Variants in SSBP3 observed in about 807,000 individuals in gnomAD.
The protein encoded by SSBP3 is single-stranded DNA-binding protein 3.
SSBP3 carries 5 observed loss-of-function variants against 69.6 expected under a neutral mutation model. The observed-to-expected ratio is 0.07, with a 90% CI of 0.04 to 0.15. The LOEUF (loss-of-function observed/expected upper bound fraction) is 0.15. Among genes scored for constraint, SSBP3 ranks in the 10% least tolerant of loss-of-function variants. The pLI, the probability that SSBP3 is intolerant of heterozygous loss-of-function variation, is 1.00. For missense variants in SSBP3, 312 were observed against 534.0 expected (o/e 0.58, Z 4.10); for synonymous variants, 196 against 193.4 (o/e 1.01, Z -0.11).
intron 4 of SSBP3, among the ~76,000 whole-genome samples, chr1:54,338,155 C>T (rs1394749696): frequency 6.6e-6 from 1 of 152,238 alleles, no homozygotes; most frequent in East Asian, 1.9e-4. Flanking sequence ...CAGGAAGTTG[C>T]CTGTGACTGC....
chr1:54,240,863 C>T (rs775879956), intron 13 of SSBP3, 42 bp downstream of exon 13: 2 of 1,612,840 alleles, frequency 1.2e-6, no homozygotes, highest in South Asian at 1.1e-5. Context: ...ATGCCCCACC[C>T]TCCACCACCA....
chr1:54,369,356 G>A (rs575645450), intron 4 of SSBP3, among the ~76,000 whole-genome samples: 2 of 152,172 alleles, frequency 1.3e-5, no homozygotes, highest in East Asian at 3.9e-4. Flanking sequence ...GGAAGGCAGG[G>A]AGCTAGGGTG....
At chr1:54,375,719 T>A (rs1172256269) in intron 4 of SSBP3, among the ~76,000 whole-genome samples, 2 of 152,210 alleles carry the variant, frequency 1.3e-5, no homozygotes, top group Admixed American at 1.3e-4. Context: ...AAGCCATCTA[T>A]GTAAAGTAAC....
intron 4 of SSBP3, among the ~76,000 whole-genome samples, chr1:54,295,563 G>A (rs573320402): frequency 3.3e-5 from 5 of 152,258 alleles, no homozygotes; most frequent in South Asian, 4.1e-4. Flanking sequence ...TGGGCTCCCT[G>A]ACCAATTCAG....
intron 4 of SSBP3, among the ~76,000 whole-genome samples, chr1:54,361,632 C>G (rs200049308): frequency 6.6e-6 from 1 of 152,056 alleles, no homozygotes; most frequent in Admixed American, 6.6e-5. Flanking sequence ...TCTCGCAGAA[C>G]GTGGGATATC....
At chr1:54,372,990 C>T (rs1225391130) in intron 4 of SSBP3, among the ~76,000 whole-genome samples, 2 of 152,180 alleles carry the variant, frequency 1.3e-5, no homozygotes, top group African/African-American at 4.8e-5. Flanking sequence ...GTAAAAAATG[C>T]AATGTCTTTA....
chr1:54,263,829 C>A (rs1645056525), intron 5 of SSBP3, among the ~76,000 whole-genome samples: 2 of 152,322 alleles, frequency 1.3e-5, no homozygotes, highest in South Asian at 4.1e-4. Flanking sequence ...GGGCAAGGGG[C>A]AAGACCCAGC....
At chr1:54,398,105 A>G (rs1343259336) in intron 4 of SSBP3, among the ~76,000 whole-genome samples, 1 of 152,178 alleles carries the variant, frequency 6.6e-6, no homozygotes, top group Non-Finnish European at 1.5e-5. Context: ...AACTAGAAAG[A>G]TAGAGGATTT....
chr1:54,289,136 A>G (rs1020068967), intron 4 of SSBP3, among the ~76,000 whole-genome samples: 7 of 151,712 alleles, frequency 4.6e-5, no homozygotes, highest in Non-Finnish European at 7.4e-5. Flanking sequence ...AATAGCCGGC[A>G]CTTCATTAAA....
chr1:54,309,948 G>C (rs976619490), intron 4 of SSBP3, among the ~76,000 whole-genome samples: 4 of 152,122 alleles, frequency 2.6e-5, no homozygotes, highest in Non-Finnish European at 5.9e-5. Context: ...GGAAGGGGTG[G>C]GGGGAGCACA....
intron 4 of SSBP3, chr1:54,285,557 A>T (rs1048312111): frequency 8.5e-5 from 13 of 152,124 alleles, no homozygotes; most frequent in African/African-American, 2.7e-4. Flanking sequence ...CCAGGCTGGA[A>T]TGCAGTGGCC....
chr1:54,299,026 C>G (rs1397994646), intron 4 of SSBP3, among the ~76,000 whole-genome samples: 1 of 150,912 alleles, frequency 6.6e-6, no homozygotes, highest in East Asian at 2.0e-4. Context: ...TCACAAGGAA[C>G]AGCCACCCAG....
intron 5 of SSBP3, among the ~76,000 whole-genome samples, chr1:54,259,725 G>C (rs931407219): frequency 1.3e-5 from 2 of 152,232 alleles, no homozygotes; most frequent in Non-Finnish European, 1.5e-5. Flanking sequence ...GGTGTGCAGA[G>C]AACATCGCAG....
At position 54,325,639 on chromosome 1, in the gene SSBP3, T is replaced by G. The variant is rs1280398223; in HGVS notation, c.277-44112A>C. On this transcript the variant is annotated intron_variant, in intron 4 of 17. Transcript: ENST00000610401. Reference sequence around the variant, plus strand: ...CCATTACCTTTGCTGGGGGATTCAATTATTGGATTAATTTATAATCTGCCT... The same window carrying G: ...CCATTACCTTTGCTGGGGGATTCAAGTATTGGATTAATTTATAATCTGCCT... 3.9e-5 allele frequency among the ~76,000 whole-genome samples: 6 copies of G among 152,242 alleles called. No individual in the cohort carries two copies. The South Asian group carries it at 1.2e-3, about 31-fold the overall frequency.
At chr1:54,412,255 GGAGGTGGAGATTGCAGT>G (rs1259651356) in intron 1 of SSBP3, among the ~76,000 whole-genome samples, 1 of 152,050 alleles carries the variant, frequency 6.6e-6, no homozygotes, top group Non-Finnish European at 1.5e-5. Flanking sequence ...CTTGAACCCA[GGAGGTGGAGATTGCAGT>G]GAGCCGAGAT....
exon 1 of SSBP3, chr1:54,406,207 G>C (rs981282699): frequency 4.6e-6 from 2 of 433,418 alleles, no homozygotes; most frequent in Non-Finnish European, 7.9e-6. Flanking sequence ...CTGTCAAAGC[G>C]TCAGCCCCGG....
rs1043949822 is a variant in SSBP3, at chr1:54,401,843, T to C, written c.276+18A>G. 14 of 1,605,272 alleles carry C rather than the reference T, an allele frequency of 8.7e-6. No individual in the cohort carries two copies. Among genetic ancestry groups the C allele is most frequent in the Middle Eastern group, 1.7e-4 (1 of 5,916 alleles). ...CCAACCCTATAATTATTGCTAGGAT[T>C]AAAAATATGTTACTCACATAATCAT... is the stretch of plus-strand genomic sequence containing the variant. On this transcript the variant is annotated intron_variant, in intron 4 of 17. Coordinates refer to ENST00000610401, the Ensembl canonical transcript of SSBP3.
At chr1:54,349,167 C>T (rs751614243) in intron 4 of SSBP3, among the ~76,000 whole-genome samples, 1 of 152,152 alleles carries the variant, frequency 6.6e-6, no homozygotes, top group Non-Finnish European at 1.5e-5. Context: ...TCAAAAAGAG[C>T]CACTATGGAG....
chr1:54,391,046 T>C (rs1045337179), intron 4 of SSBP3, among the ~76,000 whole-genome samples: 4 of 152,244 alleles, frequency 2.6e-5, no homozygotes, highest in Non-Finnish European at 4.4e-5. Context: ...TCCTAAAGGA[T>C]GGCACAGACA....
Sources: allele counts gnomAD v4.1 joint callset (sites outside exome capture counted in the v4.1 genomes callset), GRCh38; gene constraint gnomAD v4.1.1; transcripts MANE v1.5; gene names NCBI Gene and HGNC (gene_info 2026-07-23, HGNC 2026-07-21).